The following TBC1D1 variants were observed in gnomAD, a reference collection of about 807,000 sequenced individuals.
The protein encoded by TBC1D1 is TBC1 domain family member 1, also known as TBC1 (tre-2/USP6, BUB2, cdc16) domain family, member 1.
A neutral mutation model predicts 125.6 loss-of-function variants in TBC1D1; 89 were observed. That is an observed-to-expected ratio of 0.71 (90% CI 0.60 to 0.85). The LOEUF (loss-of-function observed/expected upper bound fraction) is 0.85, where lower values mean the gene tolerates loss of function less well. TBC1D1 is among the 40% of genes least tolerant of loss of function. The pLI, the probability that TBC1D1 is intolerant of heterozygous loss-of-function variation, is 0.00. For synonymous variants in TBC1D1, 565 were observed against 564.1 expected (o/e 1.00, Z -0.02); for missense variants, 1,377 against 1,469.2 (o/e 0.94, Z 1.03).
intron 15 of TBC1D1, among the ~76,000 whole-genome samples, chr4:38,103,509 G>T (rs1451061973): frequency 6.6e-6 from 1 of 152,154 alleles, no homozygotes; most frequent in East Asian, 1.9e-4. Context: ...TCAGAACCGA[G>T]GCTTGGTTTA....
intron 2 of TBC1D1, among the ~76,000 whole-genome samples, chr4:37,981,262 G>A (rs1259121697): frequency 6.6e-6 from 1 of 152,158 alleles, no homozygotes; most frequent in Admixed American, 6.6e-5. Context: ...CTTTTGTAAA[G>A]CAAGTAACTG....
intron 2 of TBC1D1, among the ~76,000 whole-genome samples, chr4:37,929,510 T>A (rs1722822850): frequency 6.6e-6 from 1 of 152,212 alleles, no homozygotes; most frequent in Non-Finnish European, 1.5e-5. Context: ...TGCCCCCAGG[T>A]GATCCTGATG....
At chr4:37,954,054 T>C (rs868116355) in intron 2 of TBC1D1, among the ~76,000 whole-genome samples, 1 of 152,156 alleles carries the variant, frequency 6.6e-6, no homozygotes, top group Non-Finnish European at 1.5e-5. Context: ...AGAATAAGGA[T>C]AGGAATGCAA....
At chr4:37,921,224 G>A (rs946381118) in intron 2 of TBC1D1, among the ~76,000 whole-genome samples, 1 of 151,618 alleles carries the variant, frequency 6.6e-6, no homozygotes, top group Non-Finnish European at 1.5e-5. Context: ...TGGCAGTGCG[G>A]GTGGTCACTG....
At chr4:38,007,398 G>A (rs1740536044) in intron 2 of TBC1D1, among the ~76,000 whole-genome samples, 2 of 151,866 alleles carry the variant, frequency 1.3e-5, no homozygotes, top group East Asian at 1.9e-4. Context: ...GACTACAGGC[G>A]CCTGCCACCA....
intron 2 of TBC1D1, among the ~76,000 whole-genome samples, chr4:37,993,857 A>G (rs1737191631): frequency 6.6e-6 from 1 of 152,134 alleles, no homozygotes. Context: ...GCTGGCATTA[A>G]GGGCGTGAGC....
chr4:38,063,577 T>G (rs1189875339), intron 12 of TBC1D1, among the ~76,000 whole-genome samples: 1 of 152,254 alleles, frequency 6.6e-6, no homozygotes, highest in Non-Finnish European at 1.5e-5. Context: ...GTTGTGAGGT[T>G]ATTTTTTGGT....
chr4:38,014,409 G>A lies in TBC1D1; in HGVS notation c.418-100G>A, dbSNP rs966202711. On this transcript the variant is annotated intron_variant, in intron 2 of 19. Transcript: ENST00000261439. The surrounding 1 kb of genome is among the most constrained non-coding windows in gnomAD (Gnocchi z 5.1). ...GGCTCCTCCTCCAGTGCTCCGCAGT[G>A]GAGTAGCCAGCGGGGCGTCCCGAAA... The A allele has an allele frequency of 2.0e-5, 24 of 1,188,458 alleles. No homozygotes were observed. The highest frequency in any genetic ancestry group is 1.9e-4 in the East Asian group (8 of 41,716). The allele number at this position is 1,188,458 out of a possible 1,614,324, so 73.6% of individuals were successfully genotyped here.
In TBC1D1 at chr4:38,120,483, C is replaced by G. The variant is rs529837695; in HGVS notation, c.2962+2291C>G. Among the ~76,000 whole-genome samples the G allele has an allele frequency of 1.8e-4, 27 of 152,274 alleles. No individual in the cohort carries two copies. In the East Asian group the frequency reaches 5.0e-3, roughly 28 times the overall value. On this transcript the variant is annotated intron_variant, in intron 17 of 19. Transcript: ENST00000261439. Reference sequence around the variant, plus strand: ...AAGCCTGCCATTCAGTCACTATAGTCTTTTTTGGCCTAGGGCCCATTTCAT... The same window carrying G: ...AAGCCTGCCATTCAGTCACTATAGTGTTTTTTGGCCTAGGGCCCATTTCAT...
chr4:38,020,048 T>A (rs1743667442), intron 4 of TBC1D1, among the ~76,000 whole-genome samples: 1 of 151,942 alleles, frequency 6.6e-6, no homozygotes, highest in African/African-American at 2.4e-5. Context: ...GCACTAAAAC[T>A]TGAATTTTCA....
chr4:37,972,022 A>G (rs1157121550), intron 2 of TBC1D1, among the ~76,000 whole-genome samples: 1 of 152,198 alleles, frequency 6.6e-6, no homozygotes, highest in Middle Eastern at 3.2e-3. Flanking sequence ...CAGCCCAATC[A>G]TCTGAGACCC....
chr4:38,068,095 G>A (rs1754047459), intron 12 of TBC1D1, among the ~76,000 whole-genome samples: 2 of 152,120 alleles, frequency 1.3e-5, no homozygotes, highest in African/African-American at 4.8e-5. Flanking sequence ...TCCTCTGCTT[G>A]GATTCCTTCG....
At chr4:38,059,455 C>T (rs1338736512) in intron 12 of TBC1D1, among the ~76,000 whole-genome samples, 1 of 152,274 alleles carries the variant, frequency 6.6e-6, no homozygotes, top group Admixed American at 6.5e-5. Context: ...AAAAATAGAT[C>T]GTGAAATAGA....
chr4:38,108,286 A>G (rs1278416965), intron 15 of TBC1D1, among the ~76,000 whole-genome samples: 1 of 151,992 alleles, frequency 6.6e-6, no homozygotes, highest in African/African-American at 2.4e-5. Flanking sequence ...AGCCTAGAAC[A>G]CTTTCCAGCC....
intron 2 of TBC1D1, among the ~76,000 whole-genome samples, chr4:37,910,772 G>A (rs560171447): frequency 5.3e-5 from 8 of 151,982 alleles, no homozygotes; most frequent in Non-Finnish European, 8.8e-5. Context: ...ATAATTAATT[G>A]TACATTTTAA....
At chr4:37,965,697 GAGCGAAGGCTGCC>G (rs1730929894) in intron 2 of TBC1D1, among the ~76,000 whole-genome samples, 1 of 152,078 alleles carries the variant, frequency 6.6e-6, no homozygotes, top group Non-Finnish European at 1.5e-5. Context: ...CCTTGACCCT[GAGCGAAGGCTGCC>G]AGGTGCAAAC....
chr4:38,030,736 C>T (rs1389628299), intron 7 of TBC1D1, among the ~76,000 whole-genome samples: 2 of 152,152 alleles, frequency 1.3e-5, no homozygotes, highest in African/African-American at 4.8e-5. Flanking sequence ...TTCAGTCTTT[C>T]CTGGAGGGGA....
chr4:38,097,065 C>A (rs1160912773), intron 14 of TBC1D1, among the ~76,000 whole-genome samples: 1 of 152,190 alleles, frequency 6.6e-6, no homozygotes, highest in Admixed American at 6.5e-5. Flanking sequence ...TGGTTGAGCT[C>A]ATCATGAATA....
chr4:38,053,403 A>G (rs1057218050), intron 11 of TBC1D1, among the ~76,000 whole-genome samples, 178 bp downstream of exon 13: 5 of 152,232 alleles, frequency 3.3e-5, no homozygotes, highest in Non-Finnish European at 5.9e-5. Context: ...ATGTGCAACC[A>G]ACCTGTTCTC....
Sources: gnomAD v4.1 joint callset for allele counts (sites outside exome capture counted in the v4.1 genomes callset) on GRCh38, gnomAD v4.1.1 for gene constraint, Gnocchi (gnomAD v3.1) non-coding constraint, MANE v1.5 for transcripts, NCBI Gene and HGNC (gene_info 2026-07-23, HGNC 2026-07-21) for gene names.